The following PDE1A variants were observed in gnomAD, a reference collection of about 807,000 sequenced individuals.
The protein encoded by PDE1A is dual specificity calcium/calmodulin-dependent 3',5'-cyclic nucleotide phosphodiesterase 1A.
PDE1A carries 35 observed loss-of-function variants against 61.7 expected under a neutral mutation model. That is an observed-to-expected ratio of 0.57 (90% CI 0.43 to 0.75). The LOEUF is 0.75. Ranked by LOEUF, PDE1A falls within the 30% of genes least tolerant of loss-of-function variation. The pLI is 0.00. For synonymous variants in PDE1A, 232 were observed against 213.2 expected, an observed-to-expected ratio of 1.09 and a Z score of -0.77; for missense variants, 597 against 630.6, an observed-to-expected ratio of 0.95 and a Z score of 0.57.
chr2:182,362,788 C>T (rs1699584704), intron 1 of PDE1A, among the ~76,000 whole-genome samples: 1 of 152,008 alleles, frequency 6.6e-6, no homozygotes, highest in Non-Finnish European at 1.5e-5. Flanking sequence ...CAGCACTATT[C>T]ACAATAGCAA....
chr2:182,622,299 G>A, the PDE1A span, among the ~76,000 whole-genome samples: 10 of 152,246 alleles, frequency 6.6e-5, no homozygotes, highest in East Asian at 1.9e-3. Flanking sequence ...TAGAAATACT[G>A]ATTTAATTTA....
chr2:182,344,823 A>G (rs894175077), intron 1 of PDE1A, among the ~76,000 whole-genome samples: 10 of 152,008 alleles, frequency 6.6e-5, no homozygotes, highest in African/African-American at 9.7e-5. Flanking sequence ...TTAAGAAAGC[A>G]TCTCATCCAG....
Position 182,504,999 on chromosome 2 carries a change from C to T in PDE1A, c.101+17277G>A, listed in dbSNP as rs139779160. The stretch of plus-strand genomic sequence containing the variant: ...ACATGTTGTAGCCTGGAAGCCAATT[C>T]TAAAGTATTTAGCCTGATTGCCTCC... On this transcript the variant is annotated intron_variant, in intron 2 of 14. Coordinates refer to the PDE1A transcript ENST00000410103. Among the ~76,000 whole-genome samples the T allele has an allele frequency of 3.6e-3, 553 of 152,332 alleles. 1 individual carries two copies. The highest frequency in any genetic ancestry group is 0.013 in the African/African-American group (524 of 41,568).
At chr2:182,303,012 T>G (rs1695345481) in intron 1 of PDE1A, among the ~76,000 whole-genome samples, 1 of 152,232 alleles carries the variant, frequency 6.6e-6, no homozygotes, top group Non-Finnish European at 1.5e-5. Flanking sequence ...CTAGTTCTCT[T>G]ACTATTTCTA....
the PDE1A span, among the ~76,000 whole-genome samples, chr2:182,696,715 G>C: frequency 6.6e-6 from 1 of 152,074 alleles, no homozygotes; most frequent in Non-Finnish European, 1.5e-5. Context: ...TGCATGTGTG[G>C]GGACAGGGGG....
At chr2:182,512,399 A>C (rs1388349763) in intron 2 of PDE1A, among the ~76,000 whole-genome samples, 1 of 152,178 alleles carries the variant, frequency 6.6e-6, no homozygotes, top group Non-Finnish European at 1.5e-5. Context: ...CCCAACTTAT[A>C]CCACAGTCAA....
chr2:182,522,790 G>A (rs1053531930), upstream of PDE1A: 7 of 425,060 alleles, frequency 1.6e-5, no homozygotes, highest in East Asian at 1.6e-4. Flanking sequence ...TGACTTTCGC[G>A]CTCCAGAAGA....
the PDE1A span, among the ~76,000 whole-genome samples, chr2:182,615,822 C>G: frequency 6.6e-6 from 1 of 152,068 alleles, no homozygotes; most frequent in South Asian, 2.1e-4. Context: ...AAGAGGGACT[C>G]AAACTCATCC....
At chr2:182,313,111 G>A (rs1202952602) in intron 1 of PDE1A, among the ~76,000 whole-genome samples, 1 of 152,056 alleles carries the variant, frequency 6.6e-6, no homozygotes, top group African/African-American at 2.4e-5. Flanking sequence ...TTAGTTCTAG[G>A]AGTTTTAAAA....
At chr2:182,616,977 G>A in the PDE1A span, among the ~76,000 whole-genome samples, 1 of 152,204 alleles carries the variant, frequency 6.6e-6, no homozygotes, top group Non-Finnish European at 1.5e-5. Context: ...AATATGACTG[G>A]AATTTAAAAG....
At chr2:182,206,914 GT>G (rs1687154391) in intron 7 of PDE1A, among the ~76,000 whole-genome samples, 1 of 152,164 alleles carries the variant, frequency 6.6e-6, no homozygotes, top group Non-Finnish European at 1.5e-5. Flanking sequence ...ATGATTGTAA[GT>G]TTCCTGAGGA....
At chr2:182,404,305 A>G (rs949029431) in intron 1 of PDE1A, among the ~76,000 whole-genome samples, 2 of 152,202 alleles carry the variant, frequency 1.3e-5, no homozygotes, top group African/African-American at 4.8e-5. Context: ...AACTTCTAAG[A>G]GAGATGACTC....
At chr2:182,241,865 C>T in intron 2 of PDE1A, 2 of 1,549,222 alleles carry the variant, frequency 1.3e-6, no homozygotes, top group Non-Finnish European at 1.7e-6. Context: ...ACCCCTAAAA[C>T]ACTGAACTAG....
intron 2 of PDE1A, among the ~76,000 whole-genome samples, chr2:182,514,756 T>C (rs1690028159): frequency 6.6e-6 from 1 of 152,116 alleles, no homozygotes; most frequent in Non-Finnish European, 1.5e-5. Context: ...AAATAGACCC[T>C]GGCAAAGATT....
At chr2:182,625,824 C>T in the PDE1A span, among the ~76,000 whole-genome samples, 1 of 152,240 alleles carries the variant, frequency 6.6e-6, no homozygotes, top group Admixed American at 6.5e-5. Context: ...GAAGCTCAAA[C>T]CTTGATGTCT....
At chr2:182,516,486 A>C (rs1690156299) in intron 2 of PDE1A, among the ~76,000 whole-genome samples, 1 of 151,746 alleles carries the variant, frequency 6.6e-6, no homozygotes, top group African/African-American at 2.4e-5. Context: ...ACCCATCTCT[A>C]CTAGATCTAT....
intron 13 of PDE1A, among the ~76,000 whole-genome samples, chr2:182,149,538 G>A (rs1018336529): frequency 3.9e-5 from 6 of 152,150 alleles, no homozygotes; most frequent in Non-Finnish European, 8.8e-5. Flanking sequence ...ACACGCAATT[G>A]CCAAGGAATT....
intron 13 of PDE1A, among the ~76,000 whole-genome samples, chr2:182,177,301 G>A (rs569089184): frequency 5.9e-4 from 90 of 152,134 alleles, no homozygotes; most frequent in African/African-American, 2.0e-3. Flanking sequence ...ATTCGGCTGT[G>A]AATCCATCTG....
chr2:182,470,945 G>A (rs1334857859), intron 2 of PDE1A, among the ~76,000 whole-genome samples: 1 of 151,728 alleles, frequency 6.6e-6, no homozygotes, highest in Non-Finnish European at 1.5e-5. Flanking sequence ...CCTTGTCTGT[G>A]TTCTAAGTGA....
Sources: gnomAD v4.1 joint callset for allele counts (sites outside exome capture counted in the v4.1 genomes callset) on GRCh38, gnomAD v4.1.1 for gene constraint, MANE v1.5 for transcripts, NCBI Gene and HGNC (gene_info 2026-07-23, HGNC 2026-07-21) for gene names.